Variants in DMD observed in about 807,000 individuals in gnomAD.
The protein encoded by DMD is dystrophin, also known as mutant dystrophin.
DMD carries 63 observed loss-of-function variants against 330.1 expected under a neutral mutation model. That is an observed-to-expected ratio of 0.19 (90% CI 0.16 to 0.24). DMD has a LOEUF of 0.24. Ranked by LOEUF, DMD falls within the 10% of genes least tolerant of loss-of-function variation. DMD has a pLI of 1.00. For synonymous variants in DMD, 1,223 were observed against 959.8 expected (o/e 1.27, Z -5.07); for missense variants, 3,344 against 2,684.1 (o/e 1.25, Z -5.43).
At chrX:31,738,390 G>A (rs936792023) in intron 51 of DMD, among the ~76,000 whole-genome samples, 4 of 111,748 alleles carry the variant, frequency 3.6e-5, no homozygotes, top group Admixed American at 9.5e-5. Context: ...CCTCACTCCC[G>A]TTAAAATGGC....
intron 1 of DMD, among the ~76,000 whole-genome samples, chrX:33,195,963 G>C (rs1428176940): frequency 9.0e-6 from 1 of 111,628 alleles, no homozygotes; most frequent in Non-Finnish European, 1.9e-5. Flanking sequence ...CAAGGAGCAA[G>C]AGAGTGAGTC....
chrX:33,034,825 AT>A (rs1369462182), intron 1 of DMD, among the ~76,000 whole-genome samples: 1 of 111,683 alleles, frequency 9.0e-6, no homozygotes, highest in Non-Finnish European at 1.9e-5. Context: ...TAGTTTTCTC[AT>A]CTGTAAAATA....
chrX:31,776,539 T>C (rs1422188002), intron 50 of DMD, among the ~76,000 whole-genome samples: 1 of 93,373 alleles, frequency 1.1e-5, no homozygotes, highest in Non-Finnish European at 2.0e-5. Flanking sequence ...CACTGTTTCC[T>C]GAAAAGCACG....
intron 61 of DMD, among the ~76,000 whole-genome samples, chrX:31,341,887 GCGCGCACACACA>G (rs2057773776): frequency 1.5e-5 from 1 of 67,288 alleles, no homozygotes; most frequent in Non-Finnish European, 3.0e-5. Flanking sequence ...GTGCGTGCGC[GCGCGCACACACA>G]CACACACACA....
chrX:32,239,075 G>C (rs1393605947), intron 43 of DMD, among the ~76,000 whole-genome samples: 1 of 111,687 alleles, frequency 9.0e-6, no homozygotes, highest in African/African-American at 3.3e-5. Flanking sequence ...TCTTGGTTGT[G>C]GATGGCTGCA....
At chrX:31,688,486 A>C (rs1434973224) in intron 52 of DMD, among the ~76,000 whole-genome samples, 1 of 111,618 alleles carries the variant, frequency 9.0e-6, no homozygotes, top group Non-Finnish European at 1.9e-5. Flanking sequence ...AATAGCCTAC[A>C]AACCAAAAAA....
chrX:32,612,212 G>C (rs149879371), intron 12 of DMD, among the ~76,000 whole-genome samples: 2 of 111,213 alleles, frequency 1.8e-5, no homozygotes, highest in Admixed American at 9.6e-5. Flanking sequence ...CCCACTATGG[G>C]ACAAAGATTC....
In DMD at chrX:33,087,859, A is replaced by T. The variant is rs940428292; in HGVS notation, c.32-67659T>A. Among the ~76,000 whole-genome samples the T allele has an allele frequency of 2.7e-5, 3 of 110,466 alleles. No homozygotes were observed. In the Admixed American group the frequency reaches 2.9e-4, roughly 11 times the overall value. On this transcript the variant is annotated intron_variant, in intron 1 of 78. Transcript: ENST00000357033. ...TCTGAGTTCTTTTTGGATCTTTATGACTTCTTTATATTCACTAGTCCCTCT... is the reference window on the plus strand; with the variant it reads ...TCTGAGTTCTTTTTGGATCTTTATGTCTTCTTTATATTCACTAGTCCCTCT...
At chrX:31,802,032 T>C (rs1197335729) in intron 50 of DMD, among the ~76,000 whole-genome samples, 1 of 110,655 alleles carries the variant, frequency 9.0e-6, no homozygotes, top group Admixed American at 9.7e-5. Context: ...AAACAGAAAA[T>C]AAGCACTTTC....
chrX:31,194,968 C>T (rs771475931), intron 67 of DMD, among the ~76,000 whole-genome samples: 1 of 111,912 alleles, frequency 8.9e-6, no homozygotes, highest in Non-Finnish European at 1.9e-5. Context: ...ATGTGAATCT[C>T]CAGGCATGAA....
chrX:31,422,833 T>A (rs1186930997), intron 60 of DMD, among the ~76,000 whole-genome samples: 1 of 107,466 alleles, frequency 9.3e-6, no homozygotes, highest in Non-Finnish European at 1.9e-5. Context: ...TCCAAACCAC[T>A]GGGCAGTTAT....
rs193032971 is a variant in DMD, at chrX:31,708,998, G to A, written c.7660+20633C>T. Among the ~76,000 whole-genome samples the A allele has an allele frequency of 7.4e-3, 824 of 112,072 alleles. 4 individuals are homozygous for A. Among genetic ancestry groups the A allele is most frequent in the Non-Finnish European group, 9.2e-3 (491 of 53,196 alleles). On this transcript the variant is annotated intron_variant, in intron 52 of 78. Coordinates refer to ENST00000357033, the MANE Select transcript of DMD (RefSeq NM_004006.3). ...CTAAAGAGAGTAAAATCGGCTGGGCGTGGTGGCTCACACCTGTAATCCCAG... is the reference window on the plus strand; with the variant it reads ...CTAAAGAGAGTAAAATCGGCTGGGCATGGTGGCTCACACCTGTAATCCCAG...
chrX:31,607,348 C>T (rs1468948679), intron 55 of DMD, among the ~76,000 whole-genome samples: 3 of 112,047 alleles, frequency 2.7e-5, no homozygotes, highest in South Asian at 7.4e-4. Context: ...GTTATGGCTG[C>T]AATCGCTATA....
At chrX:31,557,184 A>G (rs2074894265) in intron 55 of DMD, among the ~76,000 whole-genome samples, 1 of 111,913 alleles carries the variant, frequency 8.9e-6, no homozygotes, top group Non-Finnish European at 1.9e-5. Flanking sequence ...GTACTTCAAT[A>G]ATTAGGGTAT....
At position 32,004,748 on chromosome X, in the gene DMD, C is replaced by A. The variant is rs915864945; in HGVS notation, c.6439-36234G>T. ...ACTTTTTTTTTCTGCCAAACAGATG[C>A]AGTATGTTTCAACAGAAAGAGTGCT... On this transcript the variant is annotated intron_variant, in intron 44 of 78. Transcript: ENST00000357033. Among the ~76,000 whole-genome samples, 5 of 111,091 alleles carry A rather than the reference C, an allele frequency of 4.5e-5. No individual in the cohort carries two copies. The South Asian group carries it at 1.9e-3, about 42-fold the overall frequency.
At chrX:32,255,320 C>G (rs1325510120) in intron 43 of DMD, among the ~76,000 whole-genome samples, 2 of 110,758 alleles carry the variant, frequency 1.8e-5, no homozygotes, top group Non-Finnish European at 3.8e-5. Flanking sequence ...ATTATTGGAT[C>G]ATATAATAGT....
At chrX:31,802,268 A>G (rs1173015533) in intron 50 of DMD, among the ~76,000 whole-genome samples, 1 of 111,072 alleles carries the variant, frequency 9.0e-6, no homozygotes, top group South Asian at 3.8e-4. Flanking sequence ...ATTTTCACAC[A>G]GCTAAGATGC....
intron 2 of DMD, among the ~76,000 whole-genome samples, chrX:32,878,145 G>A (rs1471264465): frequency 2.7e-5 from 3 of 112,039 alleles, no homozygotes. Context: ...GGAGGCCGAG[G>A]AGGGCGGATC....
At chrX:31,558,978 A>C (rs6628621) in intron 55 of DMD, among the ~76,000 whole-genome samples, 16,222 of 111,423 alleles carry the variant, frequency 0.15, 1,086 homozygotes, top group African/African-American at 0.23. Context: ...GAGAGACAAA[A>C]TTACCACATC....
Sources: allele counts gnomAD v4.1 joint callset (sites outside exome capture counted in the v4.1 genomes callset), GRCh38; gene constraint gnomAD v4.1.1; transcripts MANE v1.5; gene names NCBI Gene and HGNC (gene_info 2026-07-23, HGNC 2026-07-21).